MCC: variants seen among roughly 807,000 people sequenced by gnomAD.
MCC encodes MCC regulator of Wnt signaling pathway.
In MCC, 90 loss-of-function variants were observed where a neutral mutation model predicts 116.2. That is an observed-to-expected ratio of 0.77 (90% CI 0.65 to 0.92). MCC has a LOEUF of 0.92. MCC is among the 40% of genes least tolerant of loss of function. The pLI is 0.00. For synonymous variants in MCC, 578 were observed against 510.5 expected, an observed-to-expected ratio of 1.13 and a Z score of -1.78; for missense variants, 1,516 against 1,312.2, an observed-to-expected ratio of 1.16 and a Z score of -2.40.
intron 11 of MCC, among the ~76,000 whole-genome samples, chr5:113,078,791 G>A (rs1027297491): frequency 2.0e-5 from 3 of 152,300 alleles, no homozygotes; most frequent in African/African-American, 7.2e-5. Context: ...TCAACACAGT[G>A]TTGGAAGTTC....
intron 1 of MCC, among the ~76,000 whole-genome samples, chr5:113,430,850 T>C (rs2150410696): frequency 6.6e-6 from 1 of 152,256 alleles, no homozygotes; most frequent in East Asian, 1.9e-4. Flanking sequence ...GAAGCTGGGT[T>C]ACAGGAATAA....
At chr5:113,366,938 A>G (rs1265754626) in intron 2 of MCC, among the ~76,000 whole-genome samples, 1 of 152,090 alleles carries the variant, frequency 6.6e-6, no homozygotes, top group Non-Finnish European at 1.5e-5. Flanking sequence ...AGTAGCTGGG[A>G]CCACAGCTGT....
In MCC at chr5:113,488,240, C is replaced by T. The variant is rs535000692; in HGVS notation, c.170+5G>A. Reference sequence around the variant, plus strand: ...CTGTCGGTTTCCTCGTACCTCCCCGCGTACCTGCTGATGTATCCGTCCCCG... The same window carrying T: ...CTGTCGGTTTCCTCGTACCTCCCCGTGTACCTGCTGATGTATCCGTCCCCG... On this transcript the variant is annotated splice_donor_5th_base_variant and intron_variant, in intron 1 of 18. Transcript: ENST00000408903. 2.0e-5 allele frequency: 32 copies of T among 1,587,836 alleles called. No homozygotes were observed. The Admixed American group carries it at 4.1e-4, about 21-fold the overall frequency.
intron 3 of MCC, among the ~76,000 whole-genome samples, chr5:113,324,840 T>C (rs1469389048): frequency 6.6e-6 from 1 of 152,048 alleles, no homozygotes; most frequent in Non-Finnish European, 1.5e-5. Flanking sequence ...TGGAACTTTT[T>C]TTTTTTTTTG....
intron 3 of MCC, among the ~76,000 whole-genome samples, chr5:113,196,919 C>T (rs551244566): frequency 6.6e-6 from 1 of 152,330 alleles, no homozygotes; most frequent in Admixed American, 6.5e-5. Context: ...GATCTGGAAC[C>T]TCCACTAATG....
At chr5:113,287,165 CCTAA>C (rs1342100062) in intron 3 of MCC, among the ~76,000 whole-genome samples, 1 of 152,152 alleles carries the variant, frequency 6.6e-6, no homozygotes, top group Non-Finnish European at 1.5e-5. Flanking sequence ...TAATCCAAGT[CCTAA>C]CTAATATCTA....
At chr5:113,114,922 C>CG (rs1262980789) in intron 6 of MCC, among the ~76,000 whole-genome samples, 2 of 150,976 alleles carry the variant, frequency 1.3e-5, no homozygotes, top group East Asian at 3.8e-4. Context: ...GTGCCATGGG[C>CG]GCAGATGCTA....
At chr5:113,423,304 A>G (rs1770390405) in intron 1 of MCC, among the ~76,000 whole-genome samples, 1 of 152,208 alleles carries the variant, frequency 6.6e-6, no homozygotes, top group South Asian at 2.1e-4. Flanking sequence ...TTGTTCAGGC[A>G]TGAGTGACAG....
intron 2 of MCC, among the ~76,000 whole-genome samples, chr5:113,350,765 A>C (rs1341209625): frequency 6.6e-6 from 1 of 152,150 alleles, no homozygotes; most frequent in Non-Finnish European, 1.5e-5. Flanking sequence ...GAATGGAGAA[A>C]ATATTTGCAA....
chr5:113,392,215 G>A (rs970115363), intron 1 of MCC, among the ~76,000 whole-genome samples: 3 of 152,088 alleles, frequency 2.0e-5, no homozygotes, highest in African/African-American at 7.2e-5. Flanking sequence ...ACTCCAGCCT[G>A]GGCAACAAAG....
intron 15 of MCC, among the ~76,000 whole-genome samples, chr5:113,051,826 T>C (rs4235783): frequency 0.98 from 148,949 of 152,308 alleles, 72,842 homozygotes; most frequent in East Asian, 1. Flanking sequence ...AAAACAGAAA[T>C]TTGAATTTCT....
chr5:113,301,285 G>C (rs1766855460), intron 3 of MCC, among the ~76,000 whole-genome samples: 1 of 152,162 alleles, frequency 6.6e-6, no homozygotes, highest in African/African-American at 2.4e-5. Flanking sequence ...GACCAACATG[G>C]AGAAACCCCA....
At chr5:113,205,135 C>T (rs1762858643) in intron 3 of MCC, among the ~76,000 whole-genome samples, 3 of 152,208 alleles carry the variant, frequency 2.0e-5, no homozygotes, top group Admixed American at 1.3e-4. Context: ...CCCTGCCTTA[C>T]TGGTATTTTT....
At chr5:113,299,250 G>A (rs1766789978) in intron 3 of MCC, among the ~76,000 whole-genome samples, 2 of 132,396 alleles carry the variant, frequency 1.5e-5, no homozygotes, top group Non-Finnish European at 3.1e-5. Flanking sequence ...CCGAGATCAC[G>A]CTACTGCACT....
chr5:113,298,010 G>A (rs1766757152), intron 3 of MCC, among the ~76,000 whole-genome samples: 2 of 152,170 alleles, frequency 1.3e-5, no homozygotes, highest in Non-Finnish European at 2.9e-5. Flanking sequence ...TGTTCAGCAG[G>A]AGCTTGAAAT....
chr5:113,369,248 C>A (rs984418141), intron 2 of MCC, among the ~76,000 whole-genome samples: 1 of 152,140 alleles, frequency 6.6e-6, no homozygotes, highest in Non-Finnish European at 1.5e-5. Context: ...ACTCCATAAT[C>A]CTGCCTTGGT....
chr5:113,469,394 G>T (rs1437228867), intron 1 of MCC, among the ~76,000 whole-genome samples: 1 of 151,988 alleles, frequency 6.6e-6, no homozygotes, highest in Non-Finnish European at 1.5e-5. Context: ...CTTTGTTCTC[G>T]TTGGTTTCAA....
intron 1 of MCC, among the ~76,000 whole-genome samples, chr5:113,471,206 C>T (rs968253418): frequency 4.6e-5 from 7 of 152,296 alleles, no homozygotes; most frequent in South Asian, 2.1e-4. Flanking sequence ...AGCTTTGTTC[C>T]GCTGCTGGTG....
chr5:113,360,799 A>G (rs1255163948), intron 2 of MCC, among the ~76,000 whole-genome samples: 1 of 152,244 alleles, frequency 6.6e-6, no homozygotes, highest in East Asian at 1.9e-4. Flanking sequence ...TAGTTATAAT[A>G]AACCCTGACT....
Sources: gnomAD v4.1 joint callset for allele counts (sites outside exome capture counted in the v4.1 genomes callset) on GRCh38, gnomAD v4.1.1 for gene constraint, MANE v1.5 for transcripts, NCBI Gene and HGNC (gene_info 2026-07-23, HGNC 2026-07-21) for gene names.